The following NRCAM variants were observed in gnomAD, a reference collection of about 807,000 sequenced individuals.
NRCAM encodes NgCAM-related cell adhesion molecule.
A neutral mutation model predicts 156.5 loss-of-function variants in NRCAM; 83 were observed. The observed-to-expected ratio is 0.53, with a 90% confidence interval of 0.44 to 0.64. NRCAM has a LOEUF of 0.64. Ranked by LOEUF, NRCAM falls within the 30% of genes least tolerant of loss-of-function variation. NRCAM has a pLI of 0.00. For synonymous variants in NRCAM, 538 were observed against 563.9 expected (o/e 0.95, Z 0.65); for missense variants, 1,417 against 1,597.3 (o/e 0.89, Z 1.92).
At chr7:108,455,172 A>C (rs1193469028) in intron 1 of NRCAM, among the ~76,000 whole-genome samples, 1 of 152,028 alleles carries the variant, frequency 6.6e-6, no homozygotes, top group Non-Finnish European at 1.5e-5. Flanking sequence ...GGGAGAAATG[A>C]CGACTCCCTT....
intron 2 of NRCAM, among the ~76,000 whole-genome samples, chr7:108,394,445 T>C (rs765161729): frequency 3.3e-5 from 5 of 152,192 alleles, no homozygotes; most frequent in Non-Finnish European, 5.9e-5. Flanking sequence ...GAACTTCAAA[T>C]ACTGCTTTGG....
intron 11 of NRCAM, 136 bp downstream of exon 11, chr7:108,223,589 A>G: frequency 2.1e-6 from 1 of 473,474 alleles, no homozygotes; most frequent in Non-Finnish European, 3.7e-6. Context: ...CTTTGGAAAT[A>G]ATTACCAAAT....
intron 15 of NRCAM, 147 bp from the exon 16 acceptor site, chr7:108,194,575 G>C: frequency 1.7e-6 from 1 of 577,186 alleles, no homozygotes. Context: ...GTATCAATAG[G>C]AAAATAACCA....
At chr7:108,226,530 TAAA>T (rs3078782) in intron 8 of NRCAM, 152 bp from the exon 9 acceptor site, 12,453 of 390,654 alleles carry the variant, frequency 0.032, 255 homozygotes, top group African/African-American at 0.11. Flanking sequence ...CAAATAACTG[TAAA>T]AAAAAAAAAA....
At chr7:108,379,415 TA>T (rs1009804181) in intron 2 of NRCAM, among the ~76,000 whole-genome samples, 1 of 152,164 alleles carries the variant, frequency 6.6e-6, no homozygotes, top group African/African-American at 2.4e-5. Flanking sequence ...GTGAGGTACC[TA>T]GAGTATTCAA....
At chr7:108,445,841 A>G (rs960515878) in intron 1 of NRCAM, among the ~76,000 whole-genome samples, 2 of 152,228 alleles carry the variant, frequency 1.3e-5, no homozygotes, top group Non-Finnish European at 2.9e-5. Flanking sequence ...CTAACTAGTT[A>G]CGAAAGGCCA....
chr7:108,401,254 TAGC>T (rs1215641202), intron 1 of NRCAM, among the ~76,000 whole-genome samples: 1 of 145,714 alleles, frequency 6.9e-6, no homozygotes, highest in Non-Finnish European at 1.5e-5. Context: ...AAAGGAACAA[TAGC>T]AGGCAGGGCA....
intron 2 of NRCAM, among the ~76,000 whole-genome samples, chr7:108,347,400 A>G (rs771149931): frequency 6.6e-6 from 1 of 152,148 alleles, no homozygotes; most frequent in Non-Finnish European, 1.5e-5. Context: ...TAAGGCATTC[A>G]TAAATAACAT....
At chr7:108,344,492 A>T (rs1189673222) in intron 2 of NRCAM, among the ~76,000 whole-genome samples, 1 of 151,882 alleles carries the variant, frequency 6.6e-6, no homozygotes, top group Admixed American at 6.6e-5. Flanking sequence ...TTGCAACTGA[A>T]AAAAAACCCC....
intron 1 of NRCAM, among the ~76,000 whole-genome samples, chr7:108,447,070 C>G (rs1207142957): frequency 3.9e-5 from 6 of 151,988 alleles, no homozygotes; most frequent in Non-Finnish European, 8.8e-5. Flanking sequence ...GCCTTATTTG[C>G]TTAGGTTTCA....
intron 1 of NRCAM, among the ~76,000 whole-genome samples, chr7:108,409,604 C>T (rs572854050): frequency 6.6e-6 from 1 of 152,318 alleles, no homozygotes; most frequent in East Asian, 1.9e-4. Context: ...CATTCTGATG[C>T]CCAGCTCAGG....
At chr7:108,238,474 C>T (rs543498287) in intron 4 of NRCAM, among the ~76,000 whole-genome samples, 1 of 152,198 alleles carries the variant, frequency 6.6e-6, no homozygotes, top group Non-Finnish European at 1.5e-5. Flanking sequence ...TGCTGTCTGT[C>T]GTTACTACTT....
Position 108,188,354 on chromosome 7 carries a change from G to A in NRCAM, c.2035+1291C>T, listed in dbSNP as rs573114637. Among the ~76,000 whole-genome samples the A allele has an allele frequency of 5.3e-5, 8 of 150,836 alleles. No homozygotes were observed. In the East Asian group the frequency reaches 1.2e-3, roughly 22 times the overall value. The stretch of plus-strand genomic sequence containing the variant: ...GGTTAACACTCCTTACAGCAGGTTC[G>A]CCCTTGAAGGTAGATCTGAGTCCTC... On this transcript the variant is annotated intron_variant, in intron 20 of 32. Coordinates refer to ENST00000379028, the MANE Select transcript of NRCAM (RefSeq NM_001037132.4).
chr7:108,431,548 C>T (rs1240649321), intron 1 of NRCAM, among the ~76,000 whole-genome samples: 2 of 152,020 alleles, frequency 1.3e-5, no homozygotes, highest in Non-Finnish European at 2.9e-5. Flanking sequence ...TTTGGGAGGC[C>T]GAGGCAGGAG....
intron 2 of NRCAM, among the ~76,000 whole-genome samples, chr7:108,347,166 T>G (rs1462336407): frequency 6.7e-6 from 1 of 149,750 alleles, no homozygotes; most frequent in Non-Finnish European, 1.5e-5. Context: ...GCCTCCCAAG[T>G]AGCTGGGACT....
Position 108,358,503 on chromosome 7 carries a change from T to C in NRCAM, c.-174+40933A>G, listed in dbSNP as rs1594974804. 2.0e-5 allele frequency among the ~76,000 whole-genome samples: 3 copies of C among 151,482 alleles called. No homozygotes were observed. In the Middle Eastern group the frequency reaches 0.01, roughly 515 times the overall value. Reference sequence around the variant, plus strand: ...TTAAAGAGAGGTAGGGAGATGTTGGTGATAGGTTGGTAGGTTTCATACAGA... The same window carrying C: ...TTAAAGAGAGGTAGGGAGATGTTGGCGATAGGTTGGTAGGTTTCATACAGA... On this transcript the variant is annotated intron_variant, in intron 2 of 32. Transcript: ENST00000379028.
At chr7:108,207,705 C>T (rs2081911216) in intron 12 of NRCAM, 46 bp from the exon 13 acceptor site, 1 of 1,535,296 alleles carries the variant, frequency 6.5e-7, no homozygotes, top group South Asian at 1.2e-5. Context: ...ATCAAATAAG[C>T]ATTTTAGCAA....
At chr7:108,223,182 C>A (rs1465662879) in intron 11 of NRCAM, among the ~76,000 whole-genome samples, 1 of 152,096 alleles carries the variant, frequency 6.6e-6, no homozygotes, top group African/African-American at 2.4e-5. Flanking sequence ...AACTCAGATG[C>A]CCCAGTTAAC....
At chr7:108,211,192 G>A (rs958641292) in intron 11 of NRCAM, among the ~76,000 whole-genome samples, 3 of 152,188 alleles carry the variant, frequency 2.0e-5, no homozygotes, top group African/African-American at 7.2e-5. Context: ...TTAGAGAGCT[G>A]AGTGAAATAC....
Sources: allele counts gnomAD v4.1 joint callset (sites outside exome capture counted in the v4.1 genomes callset), GRCh38; gene constraint gnomAD v4.1.1; transcripts MANE v1.5; gene names NCBI Gene and HGNC (gene_info 2026-07-23, HGNC 2026-07-21).